Variants in KCNU1 observed in about 807,000 individuals in gnomAD.
KCNU1 encodes potassium channel subfamily U member 1.
In KCNU1, 93 loss-of-function variants were observed where a neutral mutation model predicts 126.8. That is an observed-to-expected ratio of 0.73 (90% CI 0.62 to 0.87). The LOEUF (loss-of-function observed/expected upper bound fraction) is 0.87, where lower values mean the gene tolerates loss of function less well. KCNU1 is among the 40% of genes least tolerant of loss of function. KCNU1 has a pLI of 0.00. For synonymous variants in KCNU1, 523 were observed against 494.2 expected, an observed-to-expected ratio of 1.06 and a Z score of -0.77; for missense variants, 1,330 against 1,367.1, an observed-to-expected ratio of 0.97 and a Z score of 0.43.
intron 25 of KCNU1, 95 bp downstream of exon 25, chr8:36,931,240 T>C: frequency 5.8e-6 from 4 of 687,874 alleles, no homozygotes; most frequent in South Asian, 4.8e-5. Context: ...AGATGTCCCA[T>C]AGCACAGAAA....
intron 21 of KCNU1, among the ~76,000 whole-genome samples, chr8:36,910,643 C>G (rs537223917): frequency 8.5e-5 from 13 of 152,290 alleles, no homozygotes; most frequent in African/African-American, 3.1e-4. Context: ...CTCTCTTCTT[C>G]CACCTGAGTC....
At chr8:36,786,598 G>T (rs192547576) in intron 1 of KCNU1, among the ~76,000 whole-genome samples, 1 of 152,068 alleles carries the variant, frequency 6.6e-6, no homozygotes, top group Admixed American at 6.6e-5. Flanking sequence ...TCTTTGTGGT[G>T]GTTCTAGACT....
chr8:36,833,964 G>A (rs1324067124), intron 11 of KCNU1, among the ~76,000 whole-genome samples: 2 of 152,130 alleles, frequency 1.3e-5, no homozygotes, highest in East Asian at 3.8e-4. Context: ...GGTATGGATA[G>A]CAAGGTGTGT....
At chr8:36,909,574 T>C (rs1418824060) in intron 21 of KCNU1, 39 bp downstream of exon 21, 11 of 1,152,908 alleles carry the variant, frequency 9.5e-6, no homozygotes, top group Non-Finnish European at 1.3e-5. Context: ...TTTATAAGGA[T>C]TTCAATATTA....
chr8:36,848,063 ATAAT>A (rs1326696778), intron 18 of KCNU1, among the ~76,000 whole-genome samples: 4 of 152,228 alleles, frequency 2.6e-5, no homozygotes, highest in African/African-American at 9.6e-5. Flanking sequence ...CATTTCTTTG[ATAAT>A]TAATGATGTT....
At chr8:36,866,378 C>T (rs1042009522) in intron 19 of KCNU1, among the ~76,000 whole-genome samples, 9 of 152,074 alleles carry the variant, frequency 5.9e-5, no homozygotes, top group African/African-American at 1.9e-4. Flanking sequence ...TCTGAGCCAC[C>T]AATTTTCCCT....
intron 19 of KCNU1, among the ~76,000 whole-genome samples, chr8:36,901,737 A>C (rs1318806124): frequency 1.3e-5 from 2 of 152,098 alleles, no homozygotes. Flanking sequence ...TTGCTTGGGC[A>C]GTAAGAAGCA....
chr8:36,904,697 A>G (rs916666645), intron 19 of KCNU1, among the ~76,000 whole-genome samples: 1 of 152,136 alleles, frequency 6.6e-6, no homozygotes, highest in Admixed American at 6.5e-5. Context: ...AGGCAGTTAG[A>G]GGCCTAGGCT....
At chr8:36,833,328 T>C (rs1272386506) in intron 10 of KCNU1, among the ~76,000 whole-genome samples, 1 of 152,190 alleles carries the variant, frequency 6.6e-6, no homozygotes, top group Non-Finnish European at 1.5e-5. Flanking sequence ...GCATAGTTGA[T>C]TTAAAATGTT....
chr8:36,886,775 A>G (rs1806721545), intron 19 of KCNU1, among the ~76,000 whole-genome samples: 1 of 152,088 alleles, frequency 6.6e-6, no homozygotes, highest in African/African-American at 2.4e-5. Flanking sequence ...CCCAATATGT[A>G]GTTTTTTATC....
intron 19 of KCNU1, among the ~76,000 whole-genome samples, chr8:36,878,152 A>C (rs1360484772): frequency 6.6e-6 from 1 of 152,230 alleles, no homozygotes; most frequent in Non-Finnish European, 1.5e-5. Context: ...GTATTTTAAA[A>C]AGCTGATTTA....
At chr8:36,825,469 AC>A (rs2130509185) in intron 10 of KCNU1, among the ~76,000 whole-genome samples, 1 of 152,174 alleles carries the variant, frequency 6.6e-6, no homozygotes, top group African/African-American at 2.4e-5. Context: ...CTAACATTTA[AC>A]CTTTTGTTCT....
At chr8:36,895,232 C>A (rs1453150307) in intron 19 of KCNU1, among the ~76,000 whole-genome samples, 1 of 151,986 alleles carries the variant, frequency 6.6e-6, no homozygotes, top group African/African-American at 2.4e-5. Flanking sequence ...GCACTGACCA[C>A]CACGCCCAGC....
At chr8:36,815,510 C>T (rs977845193) in intron 8 of KCNU1, 86 bp from the exon 9 acceptor site, 30 of 619,966 alleles carry the variant, frequency 4.8e-5, no homozygotes, top group Middle Eastern at 4.3e-4. Flanking sequence ...TTTTATGTAC[C>T]CTCCTTTTCC....
intron 2 of KCNU1, among the ~76,000 whole-genome samples, chr8:36,799,976 C>T (rs964018883): frequency 1.3e-5 from 2 of 152,154 alleles, no homozygotes; most frequent in East Asian, 3.8e-4. Context: ...TTGTCAATCA[C>T]ATTCCCTCCT....
rs780715023 is a variant in KCNU1, at chr8:36,922,541, C to A, written c.2648C>A (p.Ser883Tyr). ...GAACAGCTTGGTGGACTGGAAGGGT[C>A]CCTCCAAGAAACAAATCTGCATCTC... ...FIEQLGGLEG[S>Y]LQETNLHLST... The change falls in exon 24 of 27, where the codon TCC (serine) becomes TAC (tyrosine). Residue 883 changes from serine to tyrosine, a missense_variant. Ser to Tyr is a moderately radical substitution (Grantham distance 144, BLOSUM62 -2). This residue lies in a region of KCNU1 where 1,054 missense variants were observed against 1,053.9 expected (regional missense o/e 1.00). Coordinates refer to ENST00000399881, the MANE Select transcript of KCNU1 (RefSeq NM_001031836.3). 8 of 1,613,434 alleles carry A rather than the reference C, an allele frequency of 5.0e-6. No individual in the cohort carries two copies. The East Asian group carries it at 1.8e-4, about 36-fold the overall frequency.
rs1585431551 is a variant in KCNU1, at chr8:36,833,544, T to C, written c.1107-10T>C. Reference sequence around the variant, plus strand: ...TTTCCCTCATTGCTGCCACGTTCTTTTTTGTCCAGAACCCCTCCTTCTTTG... The same window carrying C: ...TTTCCCTCATTGCTGCCACGTTCTTCTTTGTCCAGAACCCCTCCTTCTTTG... On this transcript the variant is annotated splice_polypyrimidine_tract_variant and intron_variant, in intron 10 of 26. Coordinates refer to ENST00000399881, the MANE Select transcript of KCNU1 (RefSeq NM_001031836.3). 1 of 1,561,338 alleles carries C rather than the reference T, an allele frequency of 6.4e-7. No individual in the cohort carries two copies. Among genetic ancestry groups the C allele is most frequent in the East Asian group, 2.3e-5 (1 of 44,396 alleles).
chr8:36,826,887 T>C (rs1416636005), intron 10 of KCNU1, among the ~76,000 whole-genome samples: 3 of 152,190 alleles, frequency 2.0e-5, no homozygotes, highest in Non-Finnish European at 2.9e-5. Flanking sequence ...TTTTTATTTT[T>C]ATTTTTTGCA....
At chr8:36,824,473 T>C (rs1444986180) in intron 10 of KCNU1, among the ~76,000 whole-genome samples, 1 of 152,222 alleles carries the variant, frequency 6.6e-6, no homozygotes, top group Non-Finnish European at 1.5e-5. Flanking sequence ...TAGGCATGTA[T>C]ATATAGGAAA....
Sources: gnomAD v4.1 joint callset for allele counts (sites outside exome capture counted in the v4.1 genomes callset) on GRCh38, gnomAD v4.1.1 for gene constraint, gnomAD v4.1.1 regional missense constraint, MANE v1.5 for transcripts, NCBI Gene and HGNC (gene_info 2026-07-23, HGNC 2026-07-21) for gene names.